The following NLRP1 variants were observed in gnomAD, a reference collection of about 807,000 sequenced individuals.
NLRP1 encodes NLR family pyrin domain containing 1, also known as NACHT, LRR and PYD domains-containing protein 1.
NLRP1 carries 94 observed loss-of-function variants against 136.7 expected under a neutral mutation model. The ratio of observed to expected loss-of-function variants is 0.69; its 90% CI spans 0.58 to 0.82. NLRP1 has a LOEUF of 0.82. Among genes scored for constraint, NLRP1 ranks in the 40% least tolerant of loss-of-function variants. The probability of loss-of-function intolerance (pLI) is 0.00; values close to 1 mark genes in which losing one functional copy is unlikely to be tolerated. For missense variants in NLRP1, 1,575 were observed against 1,802.7 expected, an observed-to-expected ratio of 0.87 and a Z score of 2.29; for synonymous variants, 690 against 725.1, an observed-to-expected ratio of 0.95 and a Z score of 0.78.
chr17:5,518,490 C>T (rs1415046413), intron 14 of NLRP1: 4 of 152,242 alleles, frequency 2.6e-5, no homozygotes, highest in Non-Finnish European at 4.4e-5. Flanking sequence ...TCCCTCGCTA[C>T]CTTCCTAGTC....
chr17:5,550,108 A>G (rs912562235), intron 5 of NLRP1, among the ~76,000 whole-genome samples: 3 of 150,858 alleles, frequency 2.0e-5, no homozygotes, highest in African/African-American at 7.3e-5. Flanking sequence ...GTAATTTTGC[A>G]TATATATTCA....
At chr17:5,512,757 C>T (rs943517914), downstream of NLRP1, among the ~76,000 whole-genome samples, 2 of 152,180 alleles carry the variant, frequency 1.3e-5, no homozygotes, top group African/African-American at 4.8e-5. Flanking sequence ...TTCCATTTTG[C>T]ACTGGGTCCC....
intron 3 of NLRP1, among the ~76,000 whole-genome samples, chr17:5,573,102 T>C (rs990934043): frequency 6.6e-6 from 1 of 152,090 alleles, no homozygotes; most frequent in Non-Finnish European, 1.5e-5. Context: ...ACCTGGAAAA[T>C]TGGGTCACTC....
intron 14 of NLRP1, 84 bp downstream of exon 14, chr17:5,520,796 GA>G: frequency 7.9e-7 from 1 of 1,259,788 alleles, no homozygotes; most frequent in Non-Finnish European, 1.1e-6. Context: ...CTGTCCCTGA[GA>G]AAGCCCTGAG....
chr17:5,506,168 C>T (rs546944098), intron 15 of NLRP1, among the ~76,000 whole-genome samples: 8 of 151,870 alleles, frequency 5.3e-5, no homozygotes, highest in African/African-American at 1.9e-4. Flanking sequence ...CCTGTAATCA[C>T]GGCTACCCGA....
At chr17:5,515,581 A>G (rs1908001808) in intron 15 of NLRP1, 64 bp from the exon 16 acceptor site, 1 of 1,239,438 alleles carries the variant, frequency 8.1e-7, no homozygotes, top group Non-Finnish European at 1.2e-6. Flanking sequence ...CACATGGTAC[A>G]CCTCCAAGCT....
At chr17:5,543,908 G>T (rs1471864490) in intron 5 of NLRP1, among the ~76,000 whole-genome samples, 3 of 152,174 alleles carry the variant, frequency 2.0e-5, no homozygotes, top group Non-Finnish European at 4.4e-5. Context: ...TGTACAACCA[G>T]GGTGGTTGCA....
rs114490513 is a variant in NLRP1 at position 5,569,794 on chromosome 17, C to T, written c.653-9751G>A. On this transcript the variant is annotated intron_variant, in intron 3 of 16. Transcript: ENST00000572272. ...CCTAAGAGACATCTACAGAACTCTCCACCCCAAACAACAGAATATATATTC... is the reference window on the plus strand; with the variant it reads ...CCTAAGAGACATCTACAGAACTCTCTACCCCAAACAACAGAATATATATTC... Among the ~76,000 whole-genome samples, 1,505 of 152,234 alleles carry T rather than the reference C, an allele frequency of 9.9e-3. 17 individuals carry two copies. Among genetic ancestry groups the T allele is most frequent in the African/African-American group, 0.035 (1,438 of 41,540 alleles).
chr17:5,541,489 C>T lies in NLRP1; in HGVS notation c.2699+368G>A, dbSNP rs199476211. ...ACCTGTTACTAGGCAGATCACAGCT[C>T]GTGGGAACAGGAGAAGAATAGAAAA... On this transcript the variant is annotated intron_variant, in intron 6 of 16. Coordinates refer to ENST00000572272, the MANE Select transcript of NLRP1 (RefSeq NM_033004.4). The surrounding 1 kb of genome is among the most constrained non-coding windows in gnomAD (Gnocchi z 4.2). Among the ~76,000 whole-genome samples the T allele has an allele frequency of 2.0e-5, 3 of 152,284 alleles. No individual in the cohort carries two copies. Among genetic ancestry groups the T allele is most frequent in the East Asian group, 3.9e-4 (2 of 5,186 alleles).
chr17:5,578,576 A>AG (rs1905251057), intron 3 of NLRP1, among the ~76,000 whole-genome samples: 1 of 152,252 alleles, frequency 6.6e-6, no homozygotes, highest in African/African-American at 2.4e-5. Context: ...ATCTCATACA[A>AG]GTTAGAATGG....
downstream of NLRP1, chr17:5,512,521 T>G (rs569499857): frequency 1.6e-6 from 1 of 616,034 alleles, no homozygotes; most frequent in Non-Finnish European, 3.0e-6. Context: ...TACTTCCCAT[T>G]GACTGTCCTC....
At chr17:5,567,465 C>G (rs1200990659) in intron 3 of NLRP1, among the ~76,000 whole-genome samples, 1 of 152,020 alleles carries the variant, frequency 6.6e-6, no homozygotes, top group Non-Finnish European at 1.5e-5. Context: ...AACTTAACTT[C>G]ATTTCCCAGC....
At chr17:5,568,854 C>G (rs1915588122) in intron 3 of NLRP1, among the ~76,000 whole-genome samples, 1 of 152,128 alleles carries the variant, frequency 6.6e-6, no homozygotes. Context: ...TCTAGGTTAC[C>G]AGGCAGAGAC....
intron 5 of NLRP1, 149 bp downstream of exon 5, chr17:5,553,237 C>T (rs1196274680): frequency 9.2e-6 from 6 of 649,430 alleles, no homozygotes; most frequent in African/African-American, 9.2e-5. Flanking sequence ...AAAATCCTAT[C>T]TGTGTTTGTT....
chr17:5,544,210 A>C (rs185791249), intron 5 of NLRP1, among the ~76,000 whole-genome samples: 16 of 152,110 alleles, frequency 1.1e-4, no homozygotes, highest in African/African-American at 3.9e-4. Context: ...GCCACGCTTT[A>C]TCTCTGGTGG....
At chr17:5,538,712 C>T (rs553639314) in intron 7 of NLRP1, among the ~76,000 whole-genome samples, 26 of 152,072 alleles carry the variant, frequency 1.7e-4, no homozygotes, top group Admixed American at 7.2e-4. Context: ...TGCTTACACA[C>T]GGGAGGCACT....
intron 3 of NLRP1, among the ~76,000 whole-genome samples, chr17:5,579,804 C>G (rs1160690001): frequency 2.0e-5 from 3 of 152,146 alleles, no homozygotes; most frequent in Non-Finnish European, 2.9e-5. Context: ...AGTGAACTAA[C>G]ACAGGAACAG....
intron 1 of NLRP1, 77 bp from the exon 2 acceptor site, chr17:5,582,923 C>T (rs1299904893): frequency 1.7e-6 from 2 of 1,188,234 alleles, no homozygotes; most frequent in Non-Finnish European, 2.4e-6. Flanking sequence ...AGCTGGTCTC[C>T]TCTCTCAACC....
At chr17:5,536,210 G>A (rs554327322) in intron 8 of NLRP1, among the ~76,000 whole-genome samples, 86 of 151,916 alleles carry the variant, frequency 5.7e-4, no homozygotes, top group African/African-American at 2.0e-3. Flanking sequence ...GTGCAATGGC[G>A]TGATCCTGGT....
Sources: allele counts gnomAD v4.1 joint callset (sites outside exome capture counted in the v4.1 genomes callset), GRCh38; gene constraint gnomAD v4.1.1; non-coding constraint Gnocchi (gnomAD v3.1); transcripts MANE v1.5; gene names NCBI Gene and HGNC (gene_info 2026-07-23, HGNC 2026-07-21).